The following AKAP11 variants were observed in gnomAD, a reference collection of about 807,000 sequenced individuals.
AKAP11 encodes A-kinase anchor protein 11.
In AKAP11, 36 loss-of-function variants were observed where a neutral mutation model predicts 146.1. The ratio of observed to expected loss-of-function variants is 0.25; its 90% CI spans 0.19 to 0.33. AKAP11 has a LOEUF of 0.33. AKAP11 is among the 10% of genes least tolerant of loss of function. AKAP11 has a pLI of 1.00. For missense variants in AKAP11, 2,201 were observed against 2,197.0 expected (o/e 1.00, Z -0.04); for synonymous variants, 780 against 786.5 (o/e 0.99, Z 0.14).
At chr13:42,278,931 CTT>C (rs201895105) in intron 1 of AKAP11, among the ~76,000 whole-genome samples, 1 of 141,778 alleles carries the variant, frequency 7.1e-6, no homozygotes, top group Non-Finnish European at 1.5e-5. Flanking sequence ...TGGGTTGATG[CTT>C]TTTTTTTTTT....
Position 42,304,242 on chromosome 13 carries a change from A to T in AKAP11, c.5117+379A>T, listed in dbSNP as rs548748553. 3.2e-4 allele frequency among the ~76,000 whole-genome samples: 48 copies of T among 152,328 alleles called. 1 individual carries two copies. The South Asian group carries it at 9.9e-3, about 32-fold the overall frequency. ...TCAATCTGAAAATGTTAAATGGAAA[A>T]TTCCAGAAATAAGCGATTCGTAAGT... On this transcript the variant is annotated intron_variant, in intron 8 of 12. Transcript: ENST00000025301.
At chr13:42,294,293 A>T (rs1959374756) in intron 4 of AKAP11, among the ~76,000 whole-genome samples, 1 of 152,222 alleles carries the variant, frequency 6.6e-6, no homozygotes. Flanking sequence ...ACAGTTTACT[A>T]CACTGTCTTC....
At chr13:42,308,351 C>G (rs1960384435) in intron 8 of AKAP11, 103 bp from the exon 9 acceptor site, 1 of 975,268 alleles carries the variant, frequency 1.0e-6, no homozygotes, top group Non-Finnish European at 1.5e-6. Context: ...TTCCGAATAC[C>G]ATTTCTTGTT....
At chr13:42,293,145 A>G (rs1245517431) in intron 4 of AKAP11, among the ~76,000 whole-genome samples, 1 of 152,206 alleles carries the variant, frequency 6.6e-6, no homozygotes, top group South Asian at 2.1e-4. Flanking sequence ...CTCACAACTG[A>G]TGAATATTTG....
Position 42,302,274 on chromosome 13 carries a change from T to G in AKAP11, c.3528T>G (p.Ser1176Arg). The stretch of plus-strand genomic sequence containing the variant: ...GATCTCTTTCTGAAGAAGTTGAGAG[T>G]AGTGAAAGTGGAGAGCTCCCAGAAG... Reference protein sequence around the residue: ...LMRSLSEEVESSESGELPEVD... With the variant: ...LMRSLSEEVERSESGELPEVD... Residue 1176 changes from serine (S) to arginine (R), a missense_variant, in exon 8 of 13, where the codon AGT (serine) becomes AGG (arginine). Around this residue, in one of 3 missense-constraint regions of AKAP11, gnomAD observed 1,867 missense variants for 1,833.5 expected, o/e 1.02. Transcript: ENST00000025301. 6.2e-7 allele frequency: 1 copy of G among 1,613,850 alleles called. No homozygotes were observed. The highest frequency in any genetic ancestry group is 8.5e-7 in the Non-Finnish European group (1 of 1,179,958).
intron 11 of AKAP11, 68 bp downstream of exon 11, chr13:42,314,008 G>T (rs1960693958): frequency 6.7e-7 from 1 of 1,501,678 alleles, no homozygotes; most frequent in South Asian, 1.1e-5. Flanking sequence ...GAGTCTTTAT[G>T]CATTTTCATC....
At chr13:42,311,597 T>G (rs1269851779) in intron 9 of AKAP11, among the ~76,000 whole-genome samples, 1 of 151,088 alleles carries the variant, frequency 6.6e-6, no homozygotes, top group African/African-American at 2.4e-5. Context: ...CGTTTAGCTG[T>G]TTTTTTTTAA....
At chr13:42,278,028 A>G (rs979065469) in intron 1 of AKAP11, among the ~76,000 whole-genome samples, 3 of 152,320 alleles carry the variant, frequency 2.0e-5, no homozygotes, top group South Asian at 4.1e-4. Flanking sequence ...GGTTACTGCA[A>G]CTGAGTGCTA....
intron 1 of AKAP11, among the ~76,000 whole-genome samples, chr13:42,274,395 A>G (rs1384220454): frequency 1.3e-5 from 2 of 152,198 alleles, no homozygotes; most frequent in Non-Finnish European, 2.9e-5. Context: ...TTAAAAAAAT[A>G]CTTCTGGGCC....
intron 1 of AKAP11, among the ~76,000 whole-genome samples, chr13:42,280,219 G>A (rs1959030739): frequency 1.3e-5 from 2 of 152,010 alleles, no homozygotes; most frequent in Non-Finnish European, 1.5e-5. Flanking sequence ...CTTCTCTCAG[G>A]GATCACAATC....
In AKAP11 at chr13:42,303,803, A is replaced by AT; in HGVS notation, c.5057_5058insT (p.Glu1686AspfsTer20). ...GGACAGGAGGGTGCCAGCTTTGCTG[A>AT]AAGCCTTGCCACAGAAACCATGACA... On this transcript the variant is annotated frameshift_variant, in exon 8 of 13. Coordinates refer to ENST00000025301, the MANE Select transcript of AKAP11 (RefSeq NM_016248.4). LOFTEE classifies it high-confidence loss of function. The AT allele has an allele frequency of 6.2e-7, 1 of 1,609,734 alleles. No homozygotes were observed. The highest frequency in any genetic ancestry group is 8.5e-7 in the Non-Finnish European group (1 of 1,177,498).
At chr13:42,290,855 GA>G (rs1052170996) in intron 3 of AKAP11, among the ~76,000 whole-genome samples, 25 of 152,124 alleles carry the variant, frequency 1.6e-4, no homozygotes, top group Non-Finnish European at 3.1e-4. Context: ...CTCAGACCTG[GA>G]ACCAGCCATT....
chr13:42,317,613 T>G lies in AKAP11; in HGVS notation c.5490T>G (p.Leu1830=), dbSNP rs754746736. The change falls in exon 12 of 13, where the codon CTT becomes CTG. Residue 1830 remains leucine (L), a synonymous_variant. Coordinates refer to ENST00000025301, the MANE Select transcript of AKAP11 (RefSeq NM_016248.4). ...TAGACCCCCAGCTAAGGATTATTCT[T>G]CAGTGGCTCATTGCCTCTGAGGCTG... ...CTVDPQLRII[L]QWLIASEAEV... 1 of 1,614,218 alleles carries G rather than the reference T, an allele frequency of 6.2e-7. No homozygotes were observed. The highest frequency in any genetic ancestry group is 8.5e-7 in the Non-Finnish European group (1 of 1,180,014).
chr13:42,293,835 C>T (rs1959340810), intron 4 of AKAP11, among the ~76,000 whole-genome samples: 1 of 152,132 alleles, frequency 6.6e-6, no homozygotes, highest in African/African-American at 2.4e-5. Flanking sequence ...ATTTCTATTC[C>T]ATTTTAGGGT....
rs1280142031 is a variant in AKAP11 at position 42,322,365 on chromosome 13, G to C, written c.*3137G>C. 6.6e-6 allele frequency: 1 copy of C among 152,288 alleles called. No individual in the cohort carries two copies. Among genetic ancestry groups the C allele is most frequent in the African/African-American group, 2.4e-5 (1 of 41,462 alleles). The allele number at this position is 152,288 out of a possible 1,614,324, so 9.4% of individuals were successfully genotyped here. On this transcript the variant is annotated 3_prime_UTR_variant, in exon 13 of 13. Coordinates refer to ENST00000025301, the MANE Select transcript of AKAP11 (RefSeq NM_016248.4). Reference sequence around the variant, plus strand: ...CTTTGATATTAGATGGCTGACATTAGTGCACATAATGCAGAGTTTAACCTT... The same window carrying C: ...CTTTGATATTAGATGGCTGACATTACTGCACATAATGCAGAGTTTAACCTT...
At chr13:42,283,829 C>T (rs1298974507) in intron 1 of AKAP11, among the ~76,000 whole-genome samples, 1 of 152,166 alleles carries the variant, frequency 6.6e-6, no homozygotes, top group Non-Finnish European at 1.5e-5. Flanking sequence ...TGATGTAAGG[C>T]GTGCCATTCC....
chr13:42,282,341 T>C (rs1292181280), intron 1 of AKAP11, among the ~76,000 whole-genome samples: 2 of 151,332 alleles, frequency 1.3e-5, no homozygotes, highest in Non-Finnish European at 2.9e-5. Context: ...TTCACGCCAG[T>C]ATGGATCACT....
chr13:42,316,147 A>G (rs1299707803), intron 11 of AKAP11, among the ~76,000 whole-genome samples: 1 of 152,216 alleles, frequency 6.6e-6, no homozygotes, highest in Non-Finnish European at 1.5e-5. Flanking sequence ...GAGACAATAC[A>G]TTTATTTTTA....
In AKAP11 at chr13:42,299,324, G is replaced by C. The variant is rs779979472; in HGVS notation, c.617-39G>C. The C allele has an allele frequency of 1.6e-5, 25 of 1,537,712 alleles. No homozygotes were observed. In the Admixed American group the frequency reaches 5.4e-4, roughly 33 times the overall value. ...TTTAAGTTAATTTCCAAAAAGTTTTGTTCAAAAATAATTTCACCATTTCAT... is the reference window on the plus strand; with the variant it reads ...TTTAAGTTAATTTCCAAAAAGTTTTCTTCAAAAATAATTTCACCATTTCAT... On this transcript the variant is annotated intron_variant, in intron 7 of 12. Coordinates refer to ENST00000025301, the MANE Select transcript of AKAP11 (RefSeq NM_016248.4).
Sources: allele counts gnomAD v4.1 joint callset (sites outside exome capture counted in the v4.1 genomes callset), GRCh38; gene constraint gnomAD v4.1.1; regional missense constraint gnomAD v4.1.1; transcripts MANE v1.5; gene names NCBI Gene and HGNC (gene_info 2026-07-23, HGNC 2026-07-21).